COL14A1: variants seen among roughly 807,000 people sequenced by gnomAD.
COL14A1 encodes the protein collagen type XIV alpha 1 chain.
COL14A1 carries 136 observed loss-of-function variants against 230.3 expected under a neutral mutation model. The observed-to-expected ratio is 0.59, with a 90% CI of 0.51 to 0.68. The LOEUF is 0.68. Among genes scored for constraint, COL14A1 ranks in the 30% least tolerant of loss-of-function variants. COL14A1 has a pLI of 0.00. For missense variants in COL14A1, 1,976 were observed against 2,215.8 expected, an observed-to-expected ratio of 0.89 and a Z score of 2.17; for synonymous variants, 792 against 784.1, an observed-to-expected ratio of 1.01 and a Z score of -0.17.
At chr8:120,131,988 A>G (rs1245699246) in intron 1 of COL14A1, among the ~76,000 whole-genome samples, 1 of 151,646 alleles carries the variant, frequency 6.6e-6, no homozygotes, top group Non-Finnish European at 1.5e-5. Flanking sequence ...TTGGGATTAC[A>G]GGCATATGCC....
At chr8:120,204,195 GT>G (rs575282928) in intron 9 of COL14A1, among the ~76,000 whole-genome samples, 45 of 152,194 alleles carry the variant, frequency 3.0e-4, no homozygotes, top group Admixed American at 4.6e-4. Flanking sequence ...TTCTTTACTA[GT>G]TTTCCCAATG....
At chr8:120,292,667 A>C (rs887522339) in intron 34 of COL14A1, among the ~76,000 whole-genome samples, 3 of 152,104 alleles carry the variant, frequency 2.0e-5, no homozygotes, top group African/African-American at 7.2e-5. Flanking sequence ...ATCCAGCAAA[A>C]GGGAATGTAT....
intron 25 of COL14A1, among the ~76,000 whole-genome samples, chr8:120,269,184 T>C (rs530116725): frequency 4.6e-5 from 7 of 151,904 alleles, no homozygotes; most frequent in Admixed American, 4.6e-4. Context: ...TTCAGACTAT[T>C]GAAGAGCAAA....
chr8:120,260,823 T>C (rs1338925255), intron 23 of COL14A1, among the ~76,000 whole-genome samples: 1 of 152,202 alleles, frequency 6.6e-6, no homozygotes, highest in Non-Finnish European at 1.5e-5. Context: ...GCCATCATGT[T>C]TGTACATTTT....
rs1398079283 is a variant in COL14A1 at position 120,209,915 on chromosome 8, A to G, written c.1467+14A>G. On this transcript the variant is annotated intron_variant, in intron 12 of 47. Transcript: ENST00000297848. ...GATGAAAAAGAGGTAACCACTTCCT[A>G]CCTATTACAGTCCTAGAATCTTTTA... 6.4e-7 allele frequency: 1 copy of G among 1,569,452 alleles called. No homozygotes were observed. Among genetic ancestry groups the G allele is most frequent in the Non-Finnish European group, 8.6e-7 (1 of 1,162,782 alleles).
At chr8:120,146,624 A>T (rs1815097602) in intron 1 of COL14A1, among the ~76,000 whole-genome samples, 2 of 152,140 alleles carry the variant, frequency 1.3e-5, no homozygotes, top group South Asian at 4.1e-4. Context: ...TTTTTTAAAA[A>T]TAGTGTTTTT....
chr8:120,211,842 A>G (rs1563674879), intron 12 of COL14A1, among the ~76,000 whole-genome samples: 1 of 152,190 alleles, frequency 6.6e-6, no homozygotes, highest in Non-Finnish European at 1.5e-5. Context: ...GATAGTTTGA[A>G]TCCAAGGGTC....
At chr8:120,310,973 T>C (rs972419745) in intron 37 of COL14A1, among the ~76,000 whole-genome samples, 5 of 152,212 alleles carry the variant, frequency 3.3e-5, no homozygotes, top group Admixed American at 2.0e-4. Context: ...GTATGGTTTC[T>C]TATTAAATTT....
At chr8:120,267,580 T>C (rs143076916) in intron 25 of COL14A1, among the ~76,000 whole-genome samples, 4 of 152,032 alleles carry the variant, frequency 2.6e-5, no homozygotes, top group African/African-American at 9.6e-5. Flanking sequence ...TAATGACTCA[T>C]AAGGAAGAGG....
At chr8:120,171,516 G>A (rs1263957992) in intron 5 of COL14A1, among the ~76,000 whole-genome samples, 1 of 152,154 alleles carries the variant, frequency 6.6e-6, no homozygotes. Flanking sequence ...ATTAAGAGTT[G>A]TCTCTAATCA....
chr8:120,204,859 G>A (rs1817378353), intron 9 of COL14A1, among the ~76,000 whole-genome samples: 1 of 152,164 alleles, frequency 6.6e-6, no homozygotes, highest in African/African-American at 2.4e-5. Flanking sequence ...CCCAAGTGGG[G>A]TTGAGGGTCC....
chr8:120,342,964 A>G (rs915476719), intron 44 of COL14A1, among the ~76,000 whole-genome samples: 5 of 152,234 alleles, frequency 3.3e-5, no homozygotes, highest in African/African-American at 1.2e-4. Context: ...AAATACAAAC[A>G]CACACATGAA....
At chr8:120,354,872 T>G (rs960206555) in intron 45 of COL14A1, among the ~76,000 whole-genome samples, 3 of 152,234 alleles carry the variant, frequency 2.0e-5, no homozygotes, top group Non-Finnish European at 4.4e-5. Context: ...ATTTCTCACC[T>G]GCTTTTCCTT....
chr8:120,269,906 A>T, intron 25 of COL14A1, 129 bp from the exon 26 acceptor site: 1 of 899,082 alleles, frequency 1.1e-6, no homozygotes, highest in African/African-American at 1.7e-5. Flanking sequence ...TATGAACATT[A>T]AGAAGTTTAT....
Position 120,163,623 on chromosome 8 carries a change from C to T in COL14A1, c.349+1054C>T, listed in dbSNP as rs192897837. Among the ~76,000 whole-genome samples, 157 of 152,124 alleles carry T rather than the reference C, an allele frequency of 1.0e-3. 2 individuals carry two copies. The highest frequency in any genetic ancestry group is 0.01 in the Admixed American group (155 of 15,288). On this transcript the variant is annotated intron_variant, in intron 4 of 47. Coordinates refer to ENST00000297848, the MANE Select transcript of COL14A1 (RefSeq NM_021110.4). ...TACTAAAAATACAAAATTAGCCGGG[C>T]GTGGTGGCACACACCTGTAATCCCA... is the stretch of plus-strand genomic sequence containing the variant.
intron 4 of COL14A1, among the ~76,000 whole-genome samples, chr8:120,167,691 C>G (rs1360644131): frequency 2.0e-5 from 3 of 152,064 alleles, no homozygotes; most frequent in African/African-American, 7.2e-5. Context: ...TCTTGTTTTG[C>G]TGTTGGAGCA....
intron 11 of COL14A1, among the ~76,000 whole-genome samples, chr8:120,208,645 T>C (rs955250545): frequency 3.3e-5 from 5 of 152,230 alleles, no homozygotes; most frequent in African/African-American, 1.2e-4. Context: ...AATAAGTGTT[T>C]AGTAAATGCC....
In COL14A1 at chr8:120,300,712, C is replaced by A; in HGVS notation, c.4315-20C>A. The A allele has an allele frequency of 3.1e-6, 5 of 1,597,640 alleles. No homozygotes were observed. Among genetic ancestry groups the A allele is most frequent in the Middle Eastern group, 1.7e-4 (1 of 5,992 alleles). ...ATAAACTGGCATGCTAATGGTTGTG[C>A]TTTTTTTGTTTCTTTTCAGAGAGAT... On this transcript the variant is annotated intron_variant, in intron 35 of 47. Transcript: ENST00000297848.
chr8:120,147,920 C>T lies in COL14A1; in HGVS notation c.78C>T (p.Val26=). ...CAATTGTTTATTTCTGCACCATTGT[C>T]CAAGGTCAAGGTAATTGAAAACTTT... The part of the protein sequence containing the change: ...FLAIVYFCTI[V]QGQVAPPTRL... Residue 26 remains valine (V), a synonymous_variant, in exon 2 of 48, where the codon GTC becomes GTT. Coordinates refer to ENST00000297848, the MANE Select transcript of COL14A1 (RefSeq NM_021110.4). The T allele has an allele frequency of 6.2e-7, 1 of 1,613,058 alleles. No homozygotes were observed. The highest frequency in any genetic ancestry group is 8.5e-7 in the Non-Finnish European group (1 of 1,179,264).
Sources: gnomAD v4.1 joint callset for allele counts (sites outside exome capture counted in the v4.1 genomes callset) on GRCh38, gnomAD v4.1.1 for gene constraint, MANE v1.5 for transcripts, NCBI Gene and HGNC (gene_info 2026-07-23, HGNC 2026-07-21) for gene names.